The following ST3GAL1 variants were observed in gnomAD, a reference collection of about 807,000 sequenced individuals.
ST3GAL1 encodes the protein ST3 beta-galactoside alpha-2,3-sialyltransferase 1, also known as CMP-N-acetylneuraminate-beta-galactosamide-alpha-2,3-sialyltransferase 1.
ST3GAL1 carries 16 observed loss-of-function variants against 34.1 expected under a neutral mutation model. The observed-to-expected ratio is 0.47, with a 90% CI of 0.32 to 0.71. The LOEUF is 0.71. ST3GAL1 is among the 30% of genes least tolerant of loss of function. The pLI is 0.04. For missense variants in ST3GAL1, 353 were observed against 447.4 expected, an observed-to-expected ratio of 0.79 and a Z score of 1.90; for synonymous variants, 191 against 184.7, an observed-to-expected ratio of 1.03 and a Z score of -0.28.
rs538219657 is a variant in ST3GAL1 at position 133,570,932 on chromosome 8, C to T, written c.-582+761G>A. ...GCTGCGACGCCTCACGGGGTTGGGG[C>T]GGATTCAGAGTTTCGAGTTGCCACT... On this transcript the variant is annotated intron_variant, in intron 1 of 9. Transcript: ENST00000522652. The surrounding 1 kb of genome is among the most constrained non-coding windows in gnomAD (Gnocchi z 5.6). Among the ~76,000 whole-genome samples, 4 of 152,294 alleles carry T rather than the reference C, an allele frequency of 2.6e-5. No individual in the cohort carries two copies. The South Asian group carries it at 6.2e-4, about 24-fold the overall frequency.
intron 2 of ST3GAL1, among the ~76,000 whole-genome samples, chr8:133,525,388 T>A (rs529343860): frequency 6.6e-6 from 1 of 152,184 alleles, no homozygotes; most frequent in South Asian, 2.1e-4. Context: ...GGAGGAAGTG[T>A]GTGCTGATTG....
At chr8:133,481,256 C>T (rs915699532) in intron 3 of ST3GAL1, among the ~76,000 whole-genome samples, 2 of 152,174 alleles carry the variant, frequency 1.3e-5, no homozygotes, top group Non-Finnish European at 2.9e-5. Flanking sequence ...TGGCACATTA[C>T]TTTGTTCTAA....
In ST3GAL1 at chr8:133,541,094, A is replaced by G. The variant is rs370971544; in HGVS notation, c.-429+4680T>C. ...ACATATATATAGACATATATATATA[A>G]ACATATATATATATATATATATATA... On this transcript the variant is annotated intron_variant, in intron 2 of 9. Coordinates refer to ENST00000522652, the MANE Select transcript of ST3GAL1 (RefSeq NM_173344.3). Among the ~76,000 whole-genome samples the G allele has an allele frequency of 2.6e-3, 143 of 54,460 alleles. 2 individuals are homozygous for G. Among genetic ancestry groups the G allele is most frequent in the South Asian group, 6.5e-3 (9 of 1,384 alleles). The allele number at this position is 54,460 out of a possible 152,430, so 35.7% of individuals were successfully genotyped here. A position where few individuals can be genotyped will look rare whatever the true frequency, so the allele number is the denominator to read the frequency against.
chr8:133,541,093 A>AT (rs1818505247), intron 2 of ST3GAL1, among the ~76,000 whole-genome samples: 4 of 77,088 alleles, frequency 5.2e-5, no homozygotes, highest in African/African-American at 1.3e-4. Flanking sequence ...ATATATATAT[A>AT]AACATATATA....
At chr8:133,503,721 A>G (rs1244422666) in intron 2 of ST3GAL1, among the ~76,000 whole-genome samples, 3 of 152,224 alleles carry the variant, frequency 2.0e-5, no homozygotes, top group African/African-American at 7.2e-5. Flanking sequence ...CTCCAGATGT[A>G]GTGAAAGCAG....
rs1815251315 is a variant in ST3GAL1 at position 133,455,099 on chromosome 8, A to T, written c.*4665T>A. On this transcript the variant is annotated 3_prime_UTR_variant, in exon 10 of 10. Coordinates refer to ENST00000522652, the MANE Select transcript of ST3GAL1 (RefSeq NM_173344.3). ...AGTGCTCAAGAAACTTTGGCTTTGA[A>T]GGGAATTCAGTGAAGGGAAGCGATT... The T allele has an allele frequency of 6.6e-6, 1 of 152,302 alleles. No individual in the cohort carries two copies. The highest frequency in any genetic ancestry group is 2.1e-4 in the South Asian group (1 of 4,836). The allele number at this position is 152,302 out of a possible 1,614,324, so 9.4% of individuals were successfully genotyped here.
At chr8:133,498,074 C>T (rs1164244217) in intron 3 of ST3GAL1, among the ~76,000 whole-genome samples, 1 of 152,244 alleles carries the variant, frequency 6.6e-6, no homozygotes, top group African/African-American at 2.4e-5. Flanking sequence ...CTTCCCTGGT[C>T]ACCCTAAAAT....
At position 133,469,827 on chromosome 8, in the gene ST3GAL1, G is replaced by C. The variant is rs1815881633; in HGVS notation, c.307-3737C>G. Among the ~76,000 whole-genome samples the C allele has an allele frequency of 6.6e-6, 1 of 152,172 alleles. No homozygotes were observed. The highest frequency in any genetic ancestry group is 2.1e-4 in the South Asian group (1 of 4,832). On this transcript the variant is annotated intron_variant, in intron 5 of 9. Transcript: ENST00000522652. This position sits in a 1 kb window ranked among gnomAD's most constrained non-coding sequence, Gnocchi z 4.3. ...GGGCTCTGTGATGCGACTTTCTCTAGTGCCCTGCCTCACCTAACATCACAA... is the reference window on the plus strand; with the variant it reads ...GGGCTCTGTGATGCGACTTTCTCTACTGCCCTGCCTCACCTAACATCACAA...
In ST3GAL1 at chr8:133,556,713, C is replaced by A. The variant is rs1238978392; in HGVS notation, c.-581-10787G>T. Among the ~76,000 whole-genome samples, 1 of 152,178 alleles carries A rather than the reference C, an allele frequency of 6.6e-6. No homozygotes were observed. The highest frequency in any genetic ancestry group is 1.5e-5 in the Non-Finnish European group (1 of 68,046). ...CTATTAGCCATGGAAACCTTGCACC[C>A]AAGGACACGGCTGACATCATATAAA... On this transcript the variant is annotated intron_variant, in intron 1 of 9. Coordinates refer to ENST00000522652, the MANE Select transcript of ST3GAL1 (RefSeq NM_173344.3). This position sits in a 1 kb window ranked among gnomAD's most constrained non-coding sequence, Gnocchi z 8.9.
intron 7 of ST3GAL1, 149 bp from the exon 8 acceptor site, chr8:133,463,608 A>AC (rs1189048228): frequency 6.3e-6 from 5 of 794,060 alleles, no homozygotes; most frequent in Non-Finnish European, 1.0e-5. Context: ...CCACCTCCCT[A>AC]CCCCAGCCGG....
At chr8:133,464,741 G>A (rs951465397) in intron 7 of ST3GAL1, 37 bp downstream of exon 7, 1 of 1,591,070 alleles carries the variant, frequency 6.3e-7, no homozygotes, top group Non-Finnish European at 8.6e-7. Context: ...CACTGCAAGG[G>A]GCAGAGCAGC....
intron 2 of ST3GAL1, among the ~76,000 whole-genome samples, chr8:133,510,119 C>T (rs986145484): frequency 6.6e-6 from 1 of 151,094 alleles, no homozygotes; most frequent in Non-Finnish European, 1.5e-5. Context: ...TCTCTGGAAA[C>T]TTCCCCTGGT....
intron 3 of ST3GAL1, among the ~76,000 whole-genome samples, chr8:133,478,176 C>A (rs1351015747): frequency 6.6e-6 from 1 of 152,204 alleles, no homozygotes; most frequent in African/African-American, 2.4e-5. Context: ...CCCCACCTGC[C>A]CCCATCAAGG....
At position 133,548,142 on chromosome 8, in the gene ST3GAL1, ACT is replaced by A. The variant is rs374262245; in HGVS notation, c.-581-2218_-581-2217del. ...GGTCCAGGAAAGCTATAGGAACGAAACTCTTTCTTTTCAGAAATGAGAATTAA... is the reference window on the plus strand; with the variant it reads ...GGTCCAGGAAAGCTATAGGAACGAAACTTTCTTTTCAGAAATGAGAATTAA... On this transcript the variant is annotated intron_variant, in intron 1 of 9. Coordinates refer to ENST00000522652, the MANE Select transcript of ST3GAL1 (RefSeq NM_173344.3). Among the ~76,000 whole-genome samples the A allele has an allele frequency of 4.4e-3, 674 of 152,198 alleles. 5 individuals are homozygous for A. Among genetic ancestry groups the A allele is most frequent in the African/African-American group, 0.016 (646 of 41,508 alleles).
intron 2 of ST3GAL1, among the ~76,000 whole-genome samples, chr8:133,534,618 C>T (rs1241982953): frequency 6.6e-6 from 1 of 152,190 alleles, no homozygotes; most frequent in Non-Finnish European, 1.5e-5. Flanking sequence ...AGTGAAAGGA[C>T]CAGGAGCCCA....
chr8:133,570,331 G>C lies in ST3GAL1; in HGVS notation c.-582+1362C>G, dbSNP rs1819530348. 1 of 152,296 alleles carries C rather than the reference G, an allele frequency of 6.6e-6. No individual in the cohort carries two copies. 9.4% of individuals were successfully genotyped at this position (152,296 alleles called of 1,614,324 possible). ...AAAGCCGGGCGAATGCCTGATGCAG[G>C]GACGCGGCGAGCCAGTCACTGCCCT... On this transcript the variant is annotated intron_variant, in intron 1 of 9. Transcript: ENST00000522652. This position sits in a 1 kb window ranked among gnomAD's most constrained non-coding sequence, Gnocchi z 5.6.
Position 133,466,039 on chromosome 8 carries a change from G to C in ST3GAL1, c.358C>G (p.Leu120Val). The C allele has an allele frequency of 6.2e-7, 1 of 1,614,080 alleles. No homozygotes were observed. The stretch of plus-strand genomic sequence containing the variant: ...ACATTCCCAGGCACCACTCTGAACA[G>C]CTCCTTGATGGTGTCATTCAAGTTA... Reference protein sequence around the residue: ...PNNLNDTIKELFRVVPGNVDP... With the variant: ...PNNLNDTIKEVFRVVPGNVDP... The change falls in exon 6 of 10, where the codon CTG becomes GTG. Residue 120 changes from leucine (L) to valine (V), a missense_variant. Physicochemically the swap from Leu to Val is conservative, Grantham distance 32. Coordinates refer to ENST00000522652, the MANE Select transcript of ST3GAL1 (RefSeq NM_173344.3). The surrounding 1 kb of genome is among the most constrained non-coding windows in gnomAD (Gnocchi z 4.4).
In ST3GAL1 at chr8:133,458,411, C is replaced by T. The variant is rs979497238; in HGVS notation, c.*1353G>A. ...GTTACCATTCCTGGGATGTCCTTGACCCAGACCCCCAGTGACAGCCCCAAG... is the reference window on the plus strand; with the variant it reads ...GTTACCATTCCTGGGATGTCCTTGATCCAGACCCCCAGTGACAGCCCCAAG... On this transcript the variant is annotated 3_prime_UTR_variant, in exon 10 of 10. Coordinates refer to ENST00000522652, the MANE Select transcript of ST3GAL1 (RefSeq NM_173344.3). 6.6e-6 allele frequency: 1 copy of T among 151,992 alleles called. No homozygotes were observed. The highest frequency in any genetic ancestry group is 6.5e-5 in the Admixed American group (1 of 15,276). The allele number at this position is 151,992 out of a possible 1,614,324, so 9.4% of individuals were successfully genotyped here.
In ST3GAL1 at chr8:133,501,786, C is replaced by A. The variant is rs963202618; in HGVS notation, c.-428-2597G>T. 2.6e-5 allele frequency among the ~76,000 whole-genome samples: 4 copies of A among 151,990 alleles called. No individual in the cohort carries two copies. In the East Asian group the frequency reaches 7.7e-4, roughly 29 times the overall value. On this transcript the variant is annotated intron_variant, in intron 2 of 9. Coordinates refer to ENST00000522652, the MANE Select transcript of ST3GAL1 (RefSeq NM_173344.3). Reference sequence around the variant, plus strand: ...ACAAACAACAACAACAACCAAAAATCTCTAGGACTTTGGCTCTGAGCACTA... The same window carrying A: ...ACAAACAACAACAACAACCAAAAATATCTAGGACTTTGGCTCTGAGCACTA...
Sources: allele counts gnomAD v4.1 joint callset (sites outside exome capture counted in the v4.1 genomes callset), GRCh38; gene constraint gnomAD v4.1.1; non-coding constraint Gnocchi (gnomAD v3.1); transcripts MANE v1.5; gene names NCBI Gene and HGNC (gene_info 2026-07-23, HGNC 2026-07-21).